Variants in ZNF292 observed in about 807,000 individuals in gnomAD.
The protein encoded by ZNF292 is 16 zinc-finger domain protein.
A neutral mutation model predicts 217.9 loss-of-function variants in ZNF292; 26 were observed. That is an observed-to-expected ratio of 0.12 (90% CI 0.09 to 0.17). ZNF292 has a LOEUF of 0.17. Ranked by LOEUF, ZNF292 falls within the 10% of genes least tolerant of loss-of-function variation. The probability of loss-of-function intolerance (pLI) is 1.00; values close to 1 mark genes in which losing one functional copy is unlikely to be tolerated. For missense variants in ZNF292, 2,904 were observed against 3,175.2 expected (o/e 0.91, Z 2.05); for synonymous variants, 1,257 against 1,124.1 (o/e 1.12, Z -2.37).
At chr6:87,201,186 G>A (rs1008361044) in intron 1 of ZNF292, among the ~76,000 whole-genome samples, 7 of 152,138 alleles carry the variant, frequency 4.6e-5, no homozygotes, top group African/African-American at 1.7e-4. Flanking sequence ...ATGGCACTAT[G>A]TATTATTTGC....
intron 1 of ZNF292, among the ~76,000 whole-genome samples, chr6:87,214,523 G>T (rs1016683108): frequency 6.6e-6 from 1 of 152,036 alleles, no homozygotes; most frequent in Non-Finnish European, 1.5e-5. Context: ...TTTTTTCCTG[G>T]ATATCTGAGA....
At chr6:87,207,467 G>T (rs1375629403) in intron 1 of ZNF292, among the ~76,000 whole-genome samples, 1 of 152,010 alleles carries the variant, frequency 6.6e-6, no homozygotes, top group African/African-American at 2.4e-5. Flanking sequence ...CTTTGTTAGG[G>T]TATTCTTTTG....
intron 1 of ZNF292, among the ~76,000 whole-genome samples, chr6:87,181,097 C>T (rs1052520077): frequency 2.6e-5 from 4 of 152,104 alleles, no homozygotes; most frequent in Non-Finnish European, 4.4e-5. Context: ...TCAGCTTTGC[C>T]GTCTGCAGAC....
At chr6:87,204,908 G>C (rs1772201576) in intron 1 of ZNF292, among the ~76,000 whole-genome samples, 2 of 151,998 alleles carry the variant, frequency 1.3e-5, no homozygotes, top group African/African-American at 4.8e-5. Context: ...AGATTGGCCT[G>C]TGATTTTTTT....
intron 1 of ZNF292, among the ~76,000 whole-genome samples, chr6:87,159,232 T>C (rs1351332243): frequency 3.9e-5 from 6 of 152,148 alleles, no homozygotes; most frequent in African/African-American, 1.4e-4. Flanking sequence ...AACAGTGTTG[T>C]TTTGCTCATT....
chr6:87,216,836 T>C (rs552964887), intron 3 of ZNF292, among the ~76,000 whole-genome samples: 5 of 152,136 alleles, frequency 3.3e-5, no homozygotes, highest in Non-Finnish European at 7.4e-5. Flanking sequence ...TAAGATCACA[T>C]AGTAGTTATT....
Position 87,226,792 on chromosome 6 carries a change from C to G in ZNF292, c.539-6533C>G, listed in dbSNP as rs555612002. On this transcript the variant is annotated intron_variant, in intron 4 of 7. Coordinates refer to ENST00000369577, the MANE Select transcript of ZNF292 (RefSeq NM_015021.3). The stretch of plus-strand genomic sequence containing the variant: ...CTCCTGGATTCAAGCGATTCTCCTC[C>G]CTTAGCCTCCCGAGTAGCGGGGACT... Among the ~76,000 whole-genome samples the G allele has an allele frequency of 2.6e-5, 4 of 151,940 alleles. 1 individual carries two copies. The South Asian group carries it at 8.3e-4, about 32-fold the overall frequency.
At position 87,257,963 on chromosome 6, in the gene ZNF292, A is replaced by T; in HGVS notation, c.4334A>T (p.Glu1445Val). 2 of 1,613,932 alleles carry T rather than the reference A, an allele frequency of 1.2e-6. No homozygotes were observed. Among genetic ancestry groups the T allele is most frequent in the Non-Finnish European group, 1.7e-6 (2 of 1,179,824 alleles). ...CCACAACAATCTACCTTCAATCCAG[A>T]AGCATGTTTTAAAGATCCATCATTT... ...QQPQQSTFNP[E>V]ACFKDPSFLQ... Residue 1445 changes from glutamate to valine, a missense_variant, in exon 8 of 8, where the codon GAA becomes GTA. This residue lies in a region of ZNF292 where 622 missense variants were observed against 573.1 expected (regional missense o/e 1.09). Coordinates refer to ENST00000369577, the MANE Select transcript of ZNF292 (RefSeq NM_015021.3).
rs1048101824 is a variant in ZNF292, at chr6:87,171,658, A to G, written c.168+15899A>G. 2.0e-5 allele frequency among the ~76,000 whole-genome samples: 3 copies of G among 152,218 alleles called. No individual in the cohort carries two copies. In the South Asian group the frequency reaches 6.2e-4, roughly 31 times the overall value. ...TGTAATTTCACCAACATAAAAATTGACATAGTTTACAGTCTTTTTTGTACA... is the reference window on the plus strand; with the variant it reads ...TGTAATTTCACCAACATAAAAATTGGCATAGTTTACAGTCTTTTTTGTACA... On this transcript the variant is annotated intron_variant, in intron 1 of 7. Coordinates refer to ENST00000369577, the MANE Select transcript of ZNF292 (RefSeq NM_015021.3).
chr6:87,216,949 C>CT (rs1772816379), intron 3 of ZNF292, among the ~76,000 whole-genome samples: 1 of 151,942 alleles, frequency 6.6e-6, no homozygotes, highest in South Asian at 2.1e-4. Context: ...ATATGAGGTA[C>CT]TACACAATTT....
chr6:87,193,433 G>T (rs1354194096), intron 1 of ZNF292, among the ~76,000 whole-genome samples: 1 of 152,024 alleles, frequency 6.6e-6, no homozygotes, highest in Non-Finnish European at 1.5e-5. Context: ...CCAGCTACTT[G>T]GGAGGCTGAG....
At chr6:87,251,834 T>G (rs1774934465) in intron 7 of ZNF292, among the ~76,000 whole-genome samples, 1 of 152,212 alleles carries the variant, frequency 6.6e-6, no homozygotes, top group Non-Finnish European at 1.5e-5. Flanking sequence ...ATGTAAAGGT[T>G]TCAGGTTTAA....
intron 4 of ZNF292, among the ~76,000 whole-genome samples, chr6:87,221,893 CTTAAG>C (rs1311515856): frequency 1.3e-5 from 2 of 152,014 alleles, no homozygotes; most frequent in Non-Finnish European, 2.9e-5. Flanking sequence ...ACAATTTATA[CTTAAG>C]TTAATGTAAT....
intron 1 of ZNF292, among the ~76,000 whole-genome samples, chr6:87,207,555 T>C (rs1203214750): frequency 6.6e-6 from 1 of 152,224 alleles, no homozygotes; most frequent in Non-Finnish European, 1.5e-5. Context: ...GTGAAACATA[T>C]TCTTTATTTC....
intron 4 of ZNF292, among the ~76,000 whole-genome samples, chr6:87,226,277 C>G (rs190544029): frequency 1.4e-3 from 212 of 152,176 alleles, no homozygotes; most frequent in Non-Finnish European, 2.5e-3. Context: ...ATGATACTTA[C>G]AAATCATTCA....
intron 1 of ZNF292, among the ~76,000 whole-genome samples, chr6:87,183,541 A>C (rs1771535637): frequency 6.6e-6 from 1 of 152,212 alleles, no homozygotes; most frequent in Admixed American, 6.5e-5. Context: ...ATCCCAAAGG[A>C]TTGAAATTCC....
In ZNF292 at chr6:87,258,680, A is replaced by G; in HGVS notation, c.5051A>G (p.Glu1684Gly). Reference sequence around the variant, plus strand: ...ACTTGTGAACCTCAGAGTTTGGTGGAAAATCTAACACAGAAATTAAATAAT... The same window carrying G: ...ACTTGTGAACCTCAGAGTTTGGTGGGAAATCTAACACAGAAATTAAATAAT... ...IPTCEPQSLV[E>G]NLTQKLNNVN... Residue 1684 changes from glutamate to glycine, a missense_variant, in exon 8 of 8, where the codon GAA becomes GGA. Glu to Gly is a moderately conservative substitution (Grantham distance 98). Coordinates refer to ENST00000369577, the MANE Select transcript of ZNF292 (RefSeq NM_015021.3). 6.2e-7 allele frequency: 1 copy of G among 1,613,500 alleles called. No individual in the cohort carries two copies. Among genetic ancestry groups the G allele is most frequent in the Non-Finnish European group, 8.5e-7 (1 of 1,179,680 alleles).
chr6:87,196,372 A>G (rs928493395), intron 1 of ZNF292, among the ~76,000 whole-genome samples: 1 of 151,906 alleles, frequency 6.6e-6, no homozygotes, highest in African/African-American at 2.4e-5. Context: ...CTACACTTTC[A>G]TTTTTGTTGG....
rs375612697 is a variant in ZNF292, at chr6:87,261,764, T to C, written c.8135T>C (p.Ile2712Thr). 42 of 1,612,524 alleles carry C rather than the reference T, an allele frequency of 2.6e-5. No individual in the cohort carries two copies. Among genetic ancestry groups the C allele is most frequent in the East Asian group, 1.1e-4 (5 of 44,852 alleles). Residue 2712 changes from isoleucine to threonine, a missense_variant, in exon 8 of 8, where the codon ATC becomes ACC. By Grantham distance (89) the Ile-to-Thr change is moderately conservative. Coordinates refer to ENST00000369577, the MANE Select transcript of ZNF292 (RefSeq NM_015021.3). Reference sequence around the variant, plus strand: ...CCAGATATGTCTGTTATGAAAGATATCAGTATAGGTAAAGCCACAGGCAGA... The same window carrying C: ...CCAGATATGTCTGTTATGAAAGATACCAGTATAGGTAAAGCCACAGGCAGA... ...NDPDMSVMKD[I>T]SIGKATGRGQ...
Sources: gnomAD v4.1 joint callset for allele counts (sites outside exome capture counted in the v4.1 genomes callset) on GRCh38, gnomAD v4.1.1 for gene constraint, gnomAD v4.1.1 regional missense constraint, MANE v1.5 for transcripts, NCBI Gene and HGNC (gene_info 2026-07-23, HGNC 2026-07-21) for gene names.